DNAH6: variants seen among roughly 807,000 people sequenced by gnomAD.
DNAH6 encodes dynein axonemal heavy chain 6, also known as axonemal beta dynein heavy chain 6.
Under a neutral mutation model 491.4 loss-of-function variants are expected in DNAH6, and 340 were observed. The observed-to-expected ratio is 0.69, with a 90% CI of 0.63 to 0.76. DNAH6 has a LOEUF of 0.76. Ranked by LOEUF, DNAH6 falls within the 30% of genes least tolerant of loss-of-function variation. The pLI is 0.00. For missense variants in DNAH6, 4,443 were observed against 4,972.2 expected (o/e 0.89, Z 3.20); for synonymous variants, 1,603 against 1,686.1 (o/e 0.95, Z 1.21).
At chr2:84,545,738 C>T (rs1678711794) in intron 5 of DNAH6, among the ~76,000 whole-genome samples, 1 of 152,066 alleles carries the variant, frequency 6.6e-6, no homozygotes, top group South Asian at 2.1e-4. Flanking sequence ...GCTATAATCA[C>T]CCACACACTT....
At chr2:84,598,127 T>TTTTCTTTCTCTTTCTTTC (rs1553438003) in intron 18 of DNAH6, among the ~76,000 whole-genome samples, 1 of 109,314 alleles carries the variant, frequency 9.1e-6, no homozygotes, top group South Asian at 3.4e-4. Flanking sequence ...TCTATCTTTC[T>TTTTCTTTCTCTTTCTTTC]TTTCTTTCTT....
chr2:84,590,280 G>A (rs957912463), intron 16 of DNAH6, among the ~76,000 whole-genome samples: 11 of 152,024 alleles, frequency 7.2e-5, no homozygotes, highest in South Asian at 2.1e-4. Context: ...CAAATCACGA[G>A]GTCAGGAGTT....
chr2:84,768,291 A>G (rs1035003614), intron 64 of DNAH6, among the ~76,000 whole-genome samples: 4 of 152,032 alleles, frequency 2.6e-5, no homozygotes, highest in African/African-American at 9.7e-5. Flanking sequence ...GATCCAAAAG[A>G]CCAAAAGTTG....
intron 3 of DNAH6, among the ~76,000 whole-genome samples, chr2:84,528,359 C>T (rs1201407998): frequency 6.6e-6 from 1 of 152,072 alleles, no homozygotes. Flanking sequence ...AAAAAACAGC[C>T]GATATTAGTT....
Position 84,547,661 on chromosome 2 carries a change from A to G in DNAH6, c.1186+49A>G, listed in dbSNP as rs183650948. On this transcript the variant is annotated intron_variant, in intron 7 of 76. Transcript: ENST00000389394. The stretch of plus-strand genomic sequence containing the variant: ...TATATCAGAAGTGGTGGCTTTCTAA[A>G]ATTTCAGCCCTTTTTTATTTGACTT... The G allele has an allele frequency of 1.0e-4, 155 of 1,519,146 alleles. 2 individuals carry two copies. The Middle Eastern group carries it at 3.6e-3, about 35-fold the overall frequency. The allele number at this position is 1,519,146 out of a possible 1,614,324, so 94.1% of individuals were successfully genotyped here.
At chr2:84,661,925 T>C (rs777508492) in intron 37 of DNAH6, among the ~76,000 whole-genome samples, 1 of 152,080 alleles carries the variant, frequency 6.6e-6, no homozygotes, top group Non-Finnish European at 1.5e-5. Context: ...GAGTGTGGCA[T>C]TGGTGAAAGG....
chr2:84,797,008 C>T (rs1678419562), intron 69 of DNAH6, among the ~76,000 whole-genome samples: 1 of 152,160 alleles, frequency 6.6e-6, no homozygotes, highest in Non-Finnish European at 1.5e-5. Context: ...GAAGGAGCAA[C>T]TTGATTAGTA....
chr2:84,480,328 A>C, the DNAH6 span, among the ~76,000 whole-genome samples: 1 of 152,230 alleles, frequency 6.6e-6, no homozygotes, highest in Non-Finnish European at 1.5e-5. Context: ...GTTGACTTAT[A>C]GACTTTTATT....
chr2:84,479,866 C>G, the DNAH6 span, among the ~76,000 whole-genome samples: 1 of 152,264 alleles, frequency 6.6e-6, no homozygotes, highest in Non-Finnish European at 1.5e-5. Context: ...TATGGAAGCT[C>G]TGGCTCAGGC....
chr2:84,606,892 A>G, intron 20 of DNAH6, 84 bp from the exon 21 acceptor site: 3 of 1,397,814 alleles, frequency 2.1e-6, no homozygotes, highest in Non-Finnish European at 2.9e-6. Context: ...ACTTTTAAGT[A>G]GACACTTGGG....
At position 84,606,744 on chromosome 2, in the gene DNAH6, G is replaced by T. The variant is rs554518774; in HGVS notation, c.3175-232G>T. On this transcript the variant is annotated intron_variant, in intron 20 of 76. Coordinates refer to ENST00000389394, the MANE Select transcript of DNAH6 (RefSeq NM_001370.2). The stretch of plus-strand genomic sequence containing the variant: ...AAACTTGTGCCATTATTAATTACAG[G>T]ATCAGCAGAAATTTGGCAATCAGAA... 1.3e-4 allele frequency among the ~76,000 whole-genome samples: 20 copies of T among 152,204 alleles called. No individual in the cohort carries two copies. The East Asian group carries it at 3.9e-3, about 29-fold the overall frequency.
the DNAH6 span, among the ~76,000 whole-genome samples, chr2:84,484,226 C>G: frequency 4.6e-5 from 7 of 152,102 alleles, no homozygotes; most frequent in Non-Finnish European, 8.8e-5. Context: ...ATCCAGGAAA[C>G]CCATCATCAC....
rs545943125 is a variant in DNAH6, at chr2:84,588,783, A to C, written c.2482-43A>C. ...TCATTTAATTTAATTGGTCTTTATC[A>C]AAAAGCAGGAATGGCTAACCAAAAA... On this transcript the variant is annotated intron_variant, in intron 15 of 76. Coordinates refer to ENST00000389394, the MANE Select transcript of DNAH6 (RefSeq NM_001370.2). 155 of 1,462,860 alleles carry C rather than the reference A, an allele frequency of 1.1e-4. 1 individual carries two copies. In the African/African-American group the frequency reaches 2.0e-3, roughly 19 times the overall value. 90.6% of individuals were successfully genotyped at this position (1,462,860 alleles called of 1,614,324 possible). A position where few individuals can be genotyped will look rare whatever the true frequency, so the allele number is the denominator to read the frequency against.
chr2:84,599,419 A>G (rs1558776388), intron 18 of DNAH6, among the ~76,000 whole-genome samples: 1 of 151,938 alleles, frequency 6.6e-6, no homozygotes, highest in Non-Finnish European at 1.5e-5. Context: ...AAGGTCACAC[A>G]TATTTTCTCT....
At chr2:84,684,664 G>A (rs957160767) in intron 42 of DNAH6, among the ~76,000 whole-genome samples, 1 of 152,236 alleles carries the variant, frequency 6.6e-6, no homozygotes, top group Non-Finnish European at 1.5e-5. Context: ...TGCTGTGTGT[G>A]CCCACATGCA....
chr2:84,475,195 C>CT, the DNAH6 span, among the ~76,000 whole-genome samples: 4 of 152,124 alleles, frequency 2.6e-5, no homozygotes, highest in African/African-American at 9.7e-5. Flanking sequence ...CCATGGGGAC[C>CT]TTTTTTGGTG....
At position 84,812,641 on chromosome 2, in the gene DNAH6, G is replaced by A. The variant is rs981047264; in HGVS notation, c.11925+115G>A. ...GTCACTGATGGATAATCTGAGCCCA[G>A]AGAAAAAGAGATGTCCAGAATGGCA... On this transcript the variant is annotated intron_variant, in intron 73 of 76. Coordinates refer to ENST00000389394, the MANE Select transcript of DNAH6 (RefSeq NM_001370.2). 1.0e-5 allele frequency: 9 copies of A among 860,424 alleles called. 1 individual carries two copies. The highest frequency in any genetic ancestry group is 5.8e-5 in the Admixed American group (2 of 34,518). The allele number at this position is 860,424 out of a possible 1,614,324, so 53.3% of individuals were successfully genotyped here.
At chr2:84,504,704 A>C in the DNAH6 span, among the ~76,000 whole-genome samples, 1 of 152,184 alleles carries the variant, frequency 6.6e-6, no homozygotes, top group Non-Finnish European at 1.5e-5. Context: ...GAAGAATTCT[A>C]TTATATTCAT....
intron 63 of DNAH6, among the ~76,000 whole-genome samples, chr2:84,752,339 G>A (rs1372508829): frequency 6.6e-6 from 1 of 152,168 alleles, no homozygotes; most frequent in Non-Finnish European, 1.5e-5. Context: ...TACTTGCTAA[G>A]TAAGAAAGAT....
Sources: gnomAD v4.1 joint callset for allele counts (sites outside exome capture counted in the v4.1 genomes callset) on GRCh38, gnomAD v4.1.1 for gene constraint, MANE v1.5 for transcripts, NCBI Gene and HGNC (gene_info 2026-07-23, HGNC 2026-07-21) for gene names.